The following ANK3 variants were observed in gnomAD, a reference collection of about 807,000 sequenced individuals.
ANK3 encodes ankyrin 3.
A neutral mutation model predicts 370.9 loss-of-function variants in ANK3; 57 were observed. That is an observed-to-expected ratio of 0.15 (90% CI 0.12 to 0.19). ANK3 has a LOEUF of 0.19. ANK3 is among the 10% of genes least tolerant of loss of function. The pLI is 1.00. For missense variants in ANK3, 4,439 were observed against 5,302.1 expected (o/e 0.84, Z 5.06); for synonymous variants, 1,929 against 1,946.3 (o/e 0.99, Z 0.23).
rs190149418 is a variant in ANK3 at position 60,438,132 on chromosome 10, C to T, written c.97-158493G>A. On this transcript the variant is annotated intron_variant, in intron 2 of 43. Transcript: ENST00000373827. ...TACCTAATTTTCTACTCTCCAATTC[C>T]TAAATTAGCTAGTGGTTTTAGGAAC... is the stretch of plus-strand genomic sequence containing the variant. Among the ~76,000 whole-genome samples, 144 of 152,170 alleles carry T rather than the reference C, an allele frequency of 9.5e-4. No homozygotes were observed. In the Middle Eastern group the frequency reaches 0.014, roughly 14 times the overall value.
chr10:60,524,752 G>C (rs1306830702), intron 2 of ANK3, among the ~76,000 whole-genome samples: 1 of 152,058 alleles, frequency 6.6e-6, no homozygotes, highest in Non-Finnish European at 1.5e-5. Flanking sequence ...CATGCCTGGG[G>C]GGTGGCGGAT....
chr10:60,325,488 A>G (rs2049624692), intron 1 of ANK3, among the ~76,000 whole-genome samples: 1 of 152,118 alleles, frequency 6.6e-6, no homozygotes, highest in African/African-American at 2.4e-5. Flanking sequence ...TGCAATGACC[A>G]TAAAATTGTA....
intron 6 of ANK3, among the ~76,000 whole-genome samples, chr10:60,262,426 C>T (rs2132644293): frequency 6.6e-6 from 1 of 152,254 alleles, no homozygotes; most frequent in South Asian, 2.1e-4. Context: ...GACGTACTAC[C>T]ACAAAGTTGG....
intron 1 of ANK3, among the ~76,000 whole-genome samples, chr10:60,385,220 C>A (rs1339927833): frequency 2.0e-5 from 3 of 152,020 alleles, no homozygotes; most frequent in Admixed American, 6.6e-5. Context: ...TCCAGGAATT[C>A]AAAAATACTG....
chr10:60,684,537 C>G, intron 1 of ANK3: 1 of 1,570,250 alleles, frequency 6.4e-7, no homozygotes, highest in Non-Finnish European at 8.7e-7. Context: ...AGACTTCTAT[C>G]CTGTCCAGTC....
intron 1 of ANK3, among the ~76,000 whole-genome samples, chr10:60,642,675 G>A (rs936254594): frequency 6.6e-6 from 1 of 151,952 alleles, no homozygotes; most frequent in Non-Finnish European, 1.5e-5. Context: ...TATACCTAAT[G>A]CTAAAGGACG....
At chr10:60,201,333 G>C (rs1247058692) in intron 12 of ANK3, among the ~76,000 whole-genome samples, 1 of 152,196 alleles carries the variant, frequency 6.6e-6, no homozygotes. Flanking sequence ...TTACTGGGGA[G>C]CCCCACTCTC....
chr10:60,128,012 T>G (rs941513242), intron 25 of ANK3, among the ~76,000 whole-genome samples: 1 of 152,114 alleles, frequency 6.6e-6, no homozygotes, highest in African/African-American at 2.4e-5. Context: ...TTCATACTTT[T>G]TATAATTGTT....
chr10:60,637,424 T>A (rs1310479668), intron 1 of ANK3, among the ~76,000 whole-genome samples: 1 of 152,210 alleles, frequency 6.6e-6, no homozygotes, highest in Non-Finnish European at 1.5e-5. Flanking sequence ...ATAAGTACTT[T>A]CATACAATGC....
Position 60,186,903 on chromosome 10 carries a change from T to C in ANK3, c.1897A>G (p.Thr633Ala). ...TTTTTGGCAGCGATGTGCAGTGGCG[T>C]ATAACCATTCTGTCAACACAAATCA... ...SPHAAAKNGY[T>A]PLHIAAKKNQ... The change falls in exon 17 of 44, where the codon ACG (threonine) becomes GCG (alanine). Residue 633 changes from threonine (T) to alanine (A), a missense_variant. This residue lies in a region of ANK3 where 192 missense variants were observed against 192.1 expected (regional missense o/e 1.00). Transcript: ENST00000280772. 1 of 1,614,106 alleles carries C rather than the reference T, an allele frequency of 6.2e-7. No individual in the cohort carries two copies. The highest frequency in any genetic ancestry group is 8.5e-7 in the Non-Finnish European group (1 of 1,179,992).
At chr10:60,356,303 G>A (rs987041720) in intron 1 of ANK3, among the ~76,000 whole-genome samples, 4 of 152,222 alleles carry the variant, frequency 2.6e-5, no homozygotes, top group African/African-American at 9.6e-5. Flanking sequence ...TCTGGGAGCT[G>A]AGAACTGCCT....
chr10:60,220,437 C>T (rs561843712), intron 8 of ANK3, among the ~76,000 whole-genome samples: 26 of 152,248 alleles, frequency 1.7e-4, no homozygotes, highest in South Asian at 1.2e-3. Context: ...TCCTCCTTTT[C>T]GGAATTACTG....
intron 35 of ANK3, among the ~76,000 whole-genome samples, chr10:60,081,186 C>G (rs2085133831): frequency 6.6e-6 from 1 of 152,146 alleles, no homozygotes; most frequent in Admixed American, 6.5e-5. Context: ...CTCCTGGGAT[C>G]AAGCAATTCT....
At chr10:60,246,236 A>C (rs1011284444) in intron 7 of ANK3, among the ~76,000 whole-genome samples, 1 of 139,692 alleles carries the variant, frequency 7.2e-6, no homozygotes, top group African/African-American at 2.6e-5. Context: ...AGCCTGGGCA[A>C]CAGAGAGAAA....
chr10:60,530,631 C>A (rs982576322), intron 2 of ANK3, among the ~76,000 whole-genome samples: 1 of 152,132 alleles, frequency 6.6e-6, no homozygotes, highest in Non-Finnish European at 1.5e-5. Flanking sequence ...CTAAAGCTGA[C>A]CCTGCTAAGG....
intron 1 of ANK3, among the ~76,000 whole-genome samples, chr10:60,295,394 G>C (rs554556340): frequency 1.3e-5 from 2 of 152,310 alleles, no homozygotes; most frequent in African/African-American, 4.8e-5. Flanking sequence ...ATGCCGAGCA[G>C]TTAGAAATGG....
intron 4 of ANK3, 22 bp from the exon 5 acceptor site, chr10:60,270,251 G>A (rs1776833978): frequency 1.3e-6 from 2 of 1,530,954 alleles, no homozygotes; most frequent in Non-Finnish European, 1.8e-6. Context: ...GAAAAAAAAT[G>A]TTTGTCTGCA....
rs2082489828 is a variant in ANK3 at position 60,070,504 on chromosome 10, A to G, written c.10377T>C (p.Phe3459=). Residue 3459 remains phenylalanine, a synonymous_variant, in exon 37 of 44, where the codon TTT becomes TTC. Transcript: ENST00000280772. The surrounding 1 kb of genome is among the most constrained non-coding windows in gnomAD (Gnocchi z 5.7). ...EGILKPADRS[F]SQSKLEVIEE... ...CGATAACTTCAAGTTTACTTTGGCTAAAAGAGCGGTCAGCTGGCTTCAGAA... is the reference window on the plus strand; with the variant it reads ...CGATAACTTCAAGTTTACTTTGGCTGAAAGAGCGGTCAGCTGGCTTCAGAA... 2 of 1,614,148 alleles carry G rather than the reference A, an allele frequency of 1.2e-6. No homozygotes were observed. The highest frequency in any genetic ancestry group is 1.3e-5 in the African/African-American group (1 of 75,050).
At chr10:60,082,877 A>T in intron 33 of ANK3, 140 bp from the exon 34 acceptor site, 1 of 988,880 alleles carries the variant, frequency 1.0e-6, no homozygotes, top group Non-Finnish European at 1.5e-6. Context: ...GATTACGATT[A>T]TGCAGCAACC....
Sources: gnomAD v4.1 joint callset for allele counts (sites outside exome capture counted in the v4.1 genomes callset) on GRCh38, gnomAD v4.1.1 for gene constraint, gnomAD v4.1.1 regional missense constraint, Gnocchi (gnomAD v3.1) non-coding constraint, MANE v1.5 for transcripts, NCBI Gene and HGNC (gene_info 2026-07-23, HGNC 2026-07-21) for gene names.